The following DNAAF4 variants were observed in gnomAD, a reference collection of about 807,000 sequenced individuals.
DNAAF4 encodes dynein axonemal assembly factor 4, also known as dynein assembly factor 4, axonemal.
DNAAF4 carries 43 observed loss-of-function variants against 51.8 expected under a neutral mutation model. That is an observed-to-expected ratio of 0.83 (90% CI 0.65 to 1.07). DNAAF4 has a LOEUF of 1.07. DNAAF4 is among the 50% of genes least tolerant of loss of function. DNAAF4 has a pLI of 0.00. For missense variants in DNAAF4, 581 were observed against 493.0 expected, an observed-to-expected ratio of 1.18 and a Z score of -1.69; for synonymous variants, 194 against 165.6, an observed-to-expected ratio of 1.17 and a Z score of -1.32.
chr15:55,489,431 T>C (rs2058538766), intron 4 of DNAAF4, among the ~76,000 whole-genome samples: 1 of 152,080 alleles, frequency 6.6e-6, no homozygotes, highest in African/African-American at 2.4e-5. Flanking sequence ...CCCAACACTT[T>C]GGGAGGCCAA....
At chr15:55,420,563 A>T (rs2141379763) in intron 7 of DNAAF4, among the ~76,000 whole-genome samples, 1 of 152,344 alleles carries the variant, frequency 6.6e-6, no homozygotes, top group Non-Finnish European at 1.5e-5. Context: ...GAAACAGCTC[A>T]AACTCTGCAG....
At chr15:55,420,639 AAATT>A (rs1484929651) in intron 7 of DNAAF4, among the ~76,000 whole-genome samples, 7 of 152,156 alleles carry the variant, frequency 4.6e-5, no homozygotes, top group Non-Finnish European at 7.3e-5. Flanking sequence ...GCAAGAAGAA[AAATT>A]AATTTTTTTC....
intron 4 of DNAAF4, among the ~76,000 whole-genome samples, chr15:55,474,296 GAGGC>G: frequency 6.6e-6 from 1 of 152,164 alleles, no homozygotes; most frequent in East Asian, 1.9e-4. Flanking sequence ...AACACTTTGG[GAGGC>G]CGAGGTGGGC....
intron 7 of DNAAF4, 68 bp downstream of exon 7, chr15:55,439,404 T>C: frequency 7.4e-7 from 1 of 1,355,828 alleles, no homozygotes; most frequent in Non-Finnish European, 1.0e-6. Context: ...GCCACCATAC[T>C]CGTCCTATGA....
At chr15:55,429,516 C>T (rs2141393005), downstream of DNAAF4, among the ~76,000 whole-genome samples, 1 of 113,178 alleles carries the variant, frequency 8.8e-6, no homozygotes. Flanking sequence ...GAAACTGTGT[C>T]TCAAGAAAAA....
At chr15:55,464,847 C>T (rs533358896) in intron 5 of DNAAF4, among the ~76,000 whole-genome samples, 4 of 152,156 alleles carry the variant, frequency 2.6e-5, no homozygotes, top group East Asian at 1.9e-4. Flanking sequence ...CCTAGCTACT[C>T]GGGAGGCTGA....
chr15:55,496,046 T>C (rs898913096), intron 3 of DNAAF4, among the ~76,000 whole-genome samples: 1 of 152,150 alleles, frequency 6.6e-6, no homozygotes, highest in African/African-American at 2.4e-5. Flanking sequence ...GGCCAACATA[T>C]AGTGAAACCT....
chr15:55,451,163 G>C (rs192772190), intron 5 of DNAAF4, among the ~76,000 whole-genome samples: 12 of 152,300 alleles, frequency 7.9e-5, no homozygotes, highest in Non-Finnish European at 1.2e-4. Flanking sequence ...GGGGCAAGGG[G>C]GGAAGGAGCG....
chr15:55,443,296 A>G, intron 6 of DNAAF4: 1 of 1,422,576 alleles, frequency 7.0e-7, no homozygotes, highest in Non-Finnish European at 9.7e-7. Context: ...GCGCCTGCCT[A>G]CCGGTGGCGG....
In DNAAF4 at chr15:55,430,450, A is replaced by T; in HGVS notation, c.*220T>A. ...AAAAGTATACATATGTATTAATATG[A>T]AGAAATAAGGAATTAAAATAGATTC... On this transcript the variant is annotated 3_prime_UTR_variant, in exon 10 of 10. Coordinates refer to ENST00000321149, the MANE Select transcript of DNAAF4 (RefSeq NM_130810.4). 1 of 1,042,200 alleles carries T rather than the reference A, an allele frequency of 9.6e-7. No individual in the cohort carries two copies. The highest frequency in any genetic ancestry group is 1.2e-6 in the Non-Finnish European group (1 of 847,422). 64.6% of individuals were successfully genotyped at this position (1,042,200 alleles called of 1,614,324 possible). A position where few individuals can be genotyped will look rare whatever the true frequency, so the allele number is the denominator to read the frequency against.
intron 4 of DNAAF4, among the ~76,000 whole-genome samples, chr15:55,490,299 G>A (rs1403989713): frequency 6.6e-6 from 1 of 152,012 alleles, no homozygotes. Context: ...GGGTATTGGT[G>A]CTTTTTGGGG....
At chr15:55,490,214 T>TATC (rs2058552042) in intron 4 of DNAAF4, among the ~76,000 whole-genome samples, 1 of 152,098 alleles carries the variant, frequency 6.6e-6, no homozygotes, top group Admixed American at 6.6e-5. Context: ...AAAATAGGTA[T>TATC]ATCTATTGAG....
chr15:55,441,255 A>G (rs2141427951), intron 6 of DNAAF4, among the ~76,000 whole-genome samples: 1 of 149,462 alleles, frequency 6.7e-6, no homozygotes, highest in Non-Finnish European at 1.5e-5. Flanking sequence ...TATTTTTAGT[A>G]GAGACGGGGT....
chr15:55,435,839 A>T (rs2057599320), intron 7 of DNAAF4, among the ~76,000 whole-genome samples: 1 of 152,070 alleles, frequency 6.6e-6, no homozygotes, highest in African/African-American at 2.4e-5. Flanking sequence ...CCCAGGCTGG[A>T]GTGCAATGGT....
In DNAAF4 at chr15:55,498,573, G is replaced by C; in HGVS notation, c.-244C>G. 4.6e-6 allele frequency: 1 copy of C among 218,534 alleles called. No homozygotes were observed. Among genetic ancestry groups the C allele is most frequent in the Non-Finnish European group, 8.2e-6 (1 of 122,386 alleles). The allele number at this position is 218,534 out of a possible 1,614,324, so 13.5% of individuals were successfully genotyped here. ...ATCTGAGCGAATGTTCAAAGAAGTA[G>C]ACCCATACCCTCTGCTTGAGAAAAA... is the stretch of plus-strand genomic sequence containing the variant. On this transcript the variant is annotated 5_prime_UTR_variant, in exon 2 of 10. Coordinates refer to ENST00000321149, the MANE Select transcript of DNAAF4 (RefSeq NM_130810.4).
chr15:55,497,673 A>T, intron 3 of DNAAF4, 39 bp downstream of exon 3: 1 of 1,562,704 alleles, frequency 6.4e-7, no homozygotes, highest in Non-Finnish European at 8.6e-7. Context: ...GAAACCGAAA[A>T]GGTACAACCA....
At chr15:55,425,863 G>T (rs1359287249), downstream of DNAAF4, among the ~76,000 whole-genome samples, 1 of 152,172 alleles carries the variant, frequency 6.6e-6, no homozygotes, top group Non-Finnish European at 1.5e-5. Flanking sequence ...TTGCGCTAGT[G>T]TAACTGCCCA....
At chr15:55,498,172 C>T (rs901655519) in intron 2 of DNAAF4, 35 bp downstream of exon 2, 13 of 1,613,870 alleles carry the variant, frequency 8.1e-6, no homozygotes, top group Non-Finnish European at 1.0e-5. Flanking sequence ...CGGACCACAC[C>T]CCCGGAGACC....
At chr15:55,430,876 T>G in intron 9 of DNAAF4, 97 bp from the exon 10 acceptor site, 1 of 983,162 alleles carries the variant, frequency 1.0e-6, no homozygotes, top group East Asian at 2.7e-5. Flanking sequence ...TAATCACTAG[T>G]AGCATGGTTC....
Sources: gnomAD v4.1 joint callset for allele counts (sites outside exome capture counted in the v4.1 genomes callset) on GRCh38, gnomAD v4.1.1 for gene constraint, MANE v1.5 for transcripts, NCBI Gene and HGNC (gene_info 2026-07-23, HGNC 2026-07-21) for gene names.